The following ACTR3C variants were observed in gnomAD, a reference collection of about 807,000 sequenced individuals.
ACTR3C encodes the protein actin-related protein 3C.
In ACTR3C, 18 loss-of-function variants were observed where a neutral mutation model predicts 26.3. That is an observed-to-expected ratio of 0.68 (90% confidence interval 0.47 to 1.01). The LOEUF (loss-of-function observed/expected upper bound fraction) is 1.01, where lower values mean the gene tolerates loss of function less well. ACTR3C is among the 50% of genes least tolerant of loss of function. The pLI is 0.00. For synonymous variants in ACTR3C, 55 were observed against 94.5 expected, an observed-to-expected ratio of 0.58 and a Z score of 2.42; for missense variants, 184 against 250.7, an observed-to-expected ratio of 0.73 and a Z score of 1.80.
At chr7:150,085,855 C>A in the ACTR3C span, among the ~76,000 whole-genome samples, 1 of 152,086 alleles carries the variant, frequency 6.6e-6, no homozygotes, top group African/African-American at 2.4e-5. Flanking sequence ...CCATAGCAGA[C>A]ACACTCAAAA....
chr7:150,156,875 G>A, the ACTR3C span, among the ~76,000 whole-genome samples: 1 of 151,764 alleles, frequency 6.6e-6, no homozygotes, highest in Non-Finnish European at 1.5e-5. Flanking sequence ...GTTTATTCCT[G>A]TCTAGTATTT....
At chr7:150,082,947 C>CTTTTTTTTTTTTTTTT in the ACTR3C span, among the ~76,000 whole-genome samples, 5 of 108,550 alleles carry the variant, frequency 4.6e-5, no homozygotes, top group African/African-American at 1.4e-4. Context: ...TTTTTTTTTT[C>CTTTTTTTTTTTTTTTT]TTTTTTTTTT....
chr7:150,285,681 A>G (rs2129612419), intron 5 of ACTR3C, among the ~76,000 whole-genome samples: 1 of 152,340 alleles, frequency 6.6e-6, no homozygotes, highest in South Asian at 2.1e-4. Flanking sequence ...ACATCTAAAA[A>G]CAAACAGCAG....
chr7:149,976,696 C>T, the ACTR3C span, among the ~76,000 whole-genome samples: 1 of 151,100 alleles, frequency 6.6e-6, no homozygotes, highest in African/African-American at 2.4e-5. Flanking sequence ...GTAAAAAACA[C>T]ATCACCTCCC....
At chr7:150,151,279 A>G in the ACTR3C span, among the ~76,000 whole-genome samples, 1 of 137,722 alleles carries the variant, frequency 7.3e-6, no homozygotes, top group Non-Finnish European at 1.6e-5. Context: ...TGGTGAGAAT[A>G]TTAATTTATA....
chr7:150,317,358 T>C (rs1358477853), intron 1 of ACTR3C, among the ~76,000 whole-genome samples: 2 of 152,130 alleles, frequency 1.3e-5, no homozygotes, highest in Non-Finnish European at 2.9e-5. Context: ...CAGCCTTCCT[T>C]TGTATTTTCT....
chr7:150,008,935 T>C, the ACTR3C span, among the ~76,000 whole-genome samples: 1 of 152,084 alleles, frequency 6.6e-6, no homozygotes, highest in Non-Finnish European at 1.5e-5. Flanking sequence ...GAGTTCACCA[T>C]ACAGCAGTTC....
the ACTR3C span, among the ~76,000 whole-genome samples, chr7:149,886,270 C>T: frequency 2.7e-3 from 411 of 152,300 alleles, 5 homozygotes; most frequent in African/African-American, 9.6e-3. Flanking sequence ...TGAGACAGGA[C>T]CTGACAAATA....
chr7:150,100,203 A>C, the ACTR3C span, among the ~76,000 whole-genome samples: 69 of 151,622 alleles, frequency 4.6e-4, 3 homozygotes, highest in African/African-American at 1.6e-3. Flanking sequence ...CTCCATAAGC[A>C]TCCCTCAGTG....
At chr7:149,926,401 A>G in the ACTR3C span, among the ~76,000 whole-genome samples, 2 of 152,180 alleles carry the variant, frequency 1.3e-5, no homozygotes, top group South Asian at 4.1e-4. Flanking sequence ...TGCTAAAAGT[A>G]GTTCACTGCT....
At chr7:150,115,907 C>G in the ACTR3C span, among the ~76,000 whole-genome samples, 1 of 152,200 alleles carries the variant, frequency 6.6e-6, no homozygotes, top group South Asian at 2.1e-4. Flanking sequence ...TGCAAAGATT[C>G]TTTCCTCCTA....
the ACTR3C span, among the ~76,000 whole-genome samples, chr7:150,124,442 G>A: frequency 2.0e-5 from 3 of 152,090 alleles, no homozygotes; most frequent in Non-Finnish European, 2.9e-5. Context: ...TTGGTTCTTC[G>A]TGTTTCTGTT....
At chr7:150,171,112 A>T in the ACTR3C span, among the ~76,000 whole-genome samples, 2 of 135,968 alleles carry the variant, frequency 1.5e-5, no homozygotes, top group Non-Finnish European at 3.0e-5. Flanking sequence ...TAGGATCAAC[A>T]AACCTGACCG....
At chr7:149,924,785 C>T in the ACTR3C span, among the ~76,000 whole-genome samples, 5,248 of 151,106 alleles carry the variant, frequency 0.035, 300 homozygotes, top group African/African-American at 0.12. Context: ...GCCACCACGC[C>T]CAGCTAATTT....
chr7:150,243,654 C>T (rs1276620751), downstream of ACTR3C, among the ~76,000 whole-genome samples: 35 of 152,098 alleles, frequency 2.3e-4, no homozygotes, highest in Admixed American at 2.3e-3. Context: ...CATGTATAAC[C>T]TACACAATCC....
chr7:150,180,010 T>C, the ACTR3C span, among the ~76,000 whole-genome samples: 2 of 151,122 alleles, frequency 1.3e-5, no homozygotes, highest in Non-Finnish European at 2.9e-5. Context: ...TTTCTTAAAA[T>C]GGAAATCTTC....
the ACTR3C span, among the ~76,000 whole-genome samples, chr7:149,912,753 G>A: frequency 2.1e-4 from 32 of 151,960 alleles, no homozygotes; most frequent in East Asian, 2.4e-3. Flanking sequence ...TGCCTGCCTC[G>A]GCCTCCCAAA....
the ACTR3C span, among the ~76,000 whole-genome samples, chr7:150,138,342 A>C: frequency 1.3e-5 from 2 of 152,256 alleles, no homozygotes; most frequent in Admixed American, 6.5e-5. Context: ...CGAAGGAGGA[A>C]GTGAGCTTCA....
chr7:149,982,945 G>A, the ACTR3C span, among the ~76,000 whole-genome samples: 6 of 152,138 alleles, frequency 3.9e-5, no homozygotes, highest in East Asian at 1.9e-4. Flanking sequence ...GAGTGTGGGC[G>A]TCCTTGTCTT....
Sources: allele counts gnomAD v4.1 joint callset (sites outside exome capture counted in the v4.1 genomes callset), GRCh38; gene constraint gnomAD v4.1.1; transcripts MANE v1.5; gene names NCBI Gene and HGNC (gene_info 2026-07-23, HGNC 2026-07-21).